ARHGAP32: variants seen among roughly 807,000 people sequenced by gnomAD.
ARHGAP32 encodes the protein rho GTPase-activating protein 32.
In ARHGAP32, 51 loss-of-function variants were observed where a neutral mutation model predicts 186.5. That is an observed-to-expected ratio of 0.27 (90% CI 0.22 to 0.35). The LOEUF (loss-of-function observed/expected upper bound fraction) is 0.35. Ranked by LOEUF, ARHGAP32 falls within the 10% of genes least tolerant of loss-of-function variation. The probability of loss-of-function intolerance (pLI) is 1.00; values close to 1 mark genes in which losing one functional copy is unlikely to be tolerated. For synonymous variants in ARHGAP32, 950 were observed against 964.3 expected, an observed-to-expected ratio of 0.99 and a Z score of 0.27; for missense variants, 2,186 against 2,623.5, an observed-to-expected ratio of 0.83 and a Z score of 3.64.
intron 6 of ARHGAP32, 49 bp from the exon 7 acceptor site, chr11:129,066,917 A>G: frequency 1.4e-6 from 2 of 1,452,008 alleles, no homozygotes; most frequent in Non-Finnish European, 1.9e-6. Flanking sequence ...ATTGGGAAAT[A>G]CTTATGAATC....
intron 1 of ARHGAP32, among the ~76,000 whole-genome samples, chr11:129,223,956 G>A (rs1011277510): frequency 1.3e-5 from 2 of 152,114 alleles, no homozygotes; most frequent in Non-Finnish European, 2.9e-5. Context: ...GAAACGTCAG[G>A]GTGGAAATAA....
At chr11:129,000,048 C>G (rs1289132824) in intron 11 of ARHGAP32, among the ~76,000 whole-genome samples, 1 of 152,130 alleles carries the variant, frequency 6.6e-6, no homozygotes, top group Non-Finnish European at 1.5e-5. Flanking sequence ...AAAGAAAACT[C>G]TTTCTCATTT....
At chr11:129,154,472 A>G (rs1476294234) in intron 2 of ARHGAP32, among the ~76,000 whole-genome samples, 1 of 152,208 alleles carries the variant, frequency 6.6e-6, no homozygotes. Flanking sequence ...AAAAATATGG[A>G]AACAGCCTAA....
intron 2 of ARHGAP32, among the ~76,000 whole-genome samples, chr11:129,137,400 A>G (rs1419638670): frequency 6.6e-6 from 1 of 151,886 alleles, no homozygotes; most frequent in Non-Finnish European, 1.5e-5. Flanking sequence ...TTAAAATGGG[A>G]TGAAAGGGCA....
intron 2 of ARHGAP32, chr11:129,126,013 T>C: frequency 2.3e-6 from 1 of 437,450 alleles, no homozygotes; most frequent in Non-Finnish European, 4.5e-6. Flanking sequence ...TGTCTTATTT[T>C]TCCTCTATCT....
At chr11:129,126,546 A>G (rs987325325) in intron 2 of ARHGAP32, among the ~76,000 whole-genome samples, 3 of 152,166 alleles carry the variant, frequency 2.0e-5, no homozygotes, top group Non-Finnish European at 4.4e-5. Flanking sequence ...TCACTTATAG[A>G]AAAGAGAAAA....
chr11:129,276,728 AAC>A (rs1945536380), intron 1 of ARHGAP32, among the ~76,000 whole-genome samples: 1 of 152,224 alleles, frequency 6.6e-6, no homozygotes. Flanking sequence ...CATATTTAAA[AAC>A]AGTTCTGCAG....
In ARHGAP32 at chr11:129,095,338, T is replaced by C. The variant is rs80265451; in HGVS notation, c.445-1631A>G. 9.6e-4 allele frequency among the ~76,000 whole-genome samples: 146 copies of C among 152,324 alleles called. 1 individual carries two copies. In the East Asian group the frequency reaches 0.026, roughly 27 times the overall value. On this transcript the variant is annotated intron_variant, in intron 5 of 22. Coordinates refer to ENST00000682385, the MANE Select transcript of ARHGAP32 (RefSeq NM_001378024.1). ...GCCAGCCAAACCTTGAGTAACTGCATATAAACTAAAGTGATAAACTAAAAT... is the reference window on the plus strand; with the variant it reads ...GCCAGCCAAACCTTGAGTAACTGCACATAAACTAAAGTGATAAACTAAAAT...
chr11:129,055,475 C>T (rs538933), intron 10 of ARHGAP32, among the ~76,000 whole-genome samples: 19,054 of 152,158 alleles, frequency 0.13, 1,348 homozygotes, highest in Non-Finnish European at 0.15. Flanking sequence ...ACACAATAAC[C>T]TGCACATAGA....
At chr11:129,166,401 C>A (rs1167844001) in intron 1 of ARHGAP32, among the ~76,000 whole-genome samples, 1 of 151,860 alleles carries the variant, frequency 6.6e-6, no homozygotes, top group African/African-American at 2.4e-5. Context: ...ACTAAAGATT[C>A]AAAGAAATTC....
intron 1 of ARHGAP32, among the ~76,000 whole-genome samples, chr11:129,172,251 T>C (rs1433452550): frequency 1.3e-5 from 2 of 152,226 alleles, no homozygotes; most frequent in Non-Finnish European, 2.9e-5. Context: ...TGTACTGGTT[T>C]TCAAAGTGAA....
At chr11:128,976,462 T>C (rs1270560279) in intron 20 of ARHGAP32, 101 bp downstream of exon 20, 20 of 929,324 alleles carry the variant, frequency 2.2e-5, no homozygotes, top group Non-Finnish European at 3.1e-5. Context: ...AATGAGTTAA[T>C]AGCCTATTTA....
At position 129,064,953 on chromosome 11, in the gene ARHGAP32, T is replaced by C; in HGVS notation, c.670-20A>G. The stretch of plus-strand genomic sequence containing the variant: ...GACCGACTGAAAAGAAAAAGATCAG[T>C]GTAACTCTGAGTAAAGATACTATGC... On this transcript the variant is annotated intron_variant, in intron 7 of 22. Transcript: ENST00000682385. The C allele has an allele frequency of 1.9e-6, 3 of 1,556,138 alleles. No homozygotes were observed. Among genetic ancestry groups the C allele is most frequent in the South Asian group, 1.2e-5 (1 of 84,564 alleles).
rs534749027 is a variant in ARHGAP32 at position 129,037,907 on chromosome 11, C to A, written c.1045+3021G>T. Reference sequence around the variant, plus strand: ...CACGATGTCAGGAGTTTAAGACCAGCCTGGCCAACATGATGAAACCCCATC... The same window carrying A: ...CACGATGTCAGGAGTTTAAGACCAGACTGGCCAACATGATGAAACCCCATC... On this transcript the variant is annotated intron_variant, in intron 11 of 22. Coordinates refer to ENST00000682385, the MANE Select transcript of ARHGAP32 (RefSeq NM_001378024.1). Among the ~76,000 whole-genome samples the A allele has an allele frequency of 1.5e-4, 23 of 151,846 alleles. 1 individual carries two copies. The highest frequency in any genetic ancestry group is 5.6e-4 in the African/African-American group (23 of 41,264).
intron 1 of ARHGAP32, among the ~76,000 whole-genome samples, chr11:129,256,328 C>G (rs1040036308): frequency 6.6e-6 from 1 of 151,966 alleles, no homozygotes; most frequent in Non-Finnish European, 1.5e-5. Flanking sequence ...AAAAAAAGAC[C>G]GCAATTAATT....
chr11:129,194,948 T>TGG (rs60585805), upstream of ARHGAP32, among the ~76,000 whole-genome samples: 1,563 of 118,698 alleles, frequency 0.013, 10 homozygotes, highest in Middle Eastern at 0.04. Context: ...TGTTTTTTTG[T>TGG]GGGGGGGGGG....
chr11:129,216,585 C>T (rs1268949705), intron 1 of ARHGAP32, among the ~76,000 whole-genome samples: 2 of 149,594 alleles, frequency 1.3e-5, no homozygotes, highest in Non-Finnish European at 3.0e-5. Flanking sequence ...GCAGGAAAAT[C>T]GCTTGAACCC....
Position 129,136,123 on chromosome 11 carries a change from C to A in ARHGAP32, c.226-11229G>T, listed in dbSNP as rs534211919. On this transcript the variant is annotated intron_variant, in intron 2 of 22. Transcript: ENST00000682385. ...AGATAAAGAACTTCTAAACATTAAC[C>A]TAAAAAAAGACAACCTAACAGAAAA... Among the ~76,000 whole-genome samples the A allele has an allele frequency of 6.7e-4, 102 of 151,850 alleles. 2 individuals are homozygous for A. The South Asian group carries it at 0.021, about 31-fold the overall frequency.
intron 12 of ARHGAP32, chr11:128,993,319 T>C (rs1365494256): frequency 6.6e-6 from 1 of 152,180 alleles, no homozygotes; most frequent in Non-Finnish European, 1.5e-5. Flanking sequence ...AATTTTAGTA[T>C]ATGTGCTGTC....
Sources: allele counts gnomAD v4.1 joint callset (sites outside exome capture counted in the v4.1 genomes callset), GRCh38; gene constraint gnomAD v4.1.1; transcripts MANE v1.5; gene names NCBI Gene and HGNC (gene_info 2026-07-23, HGNC 2026-07-21).